The following SMCO1 variants were observed in gnomAD, a reference collection of about 807,000 sequenced individuals.
SMCO1 encodes single-pass membrane and coiled-coil domain-containing protein 1.
SMCO1 carries 9 observed loss-of-function variants against 7.5 expected under a neutral mutation model. The ratio of observed to expected loss-of-function variants is 1.20; its 90% confidence interval spans 0.72 to 2.09. SMCO1 has a LOEUF of 2.09. Among genes scored for constraint, SMCO1 ranks in the 30% most tolerant of loss-of-function variants. SMCO1 has a pLI of 0.00. For missense variants in SMCO1, 219 were observed against 253.1 expected (o/e 0.87, Z 0.91); for synonymous variants, 90 against 93.8 (o/e 0.96, Z 0.23).
upstream of SMCO1, among the ~76,000 whole-genome samples, chr3:196,518,683 ACATT>A (rs998504861): frequency 1.3e-5 from 2 of 152,246 alleles, no homozygotes; most frequent in Admixed American, 6.5e-5. Flanking sequence ...CCAAGGTACA[ACATT>A]CAATGGAGCA....
intron 1 of SMCO1, among the ~76,000 whole-genome samples, chr3:196,513,328 C>CAA (rs1164510654): frequency 1.0e-4 from 13 of 125,894 alleles, no homozygotes; most frequent in African/African-American, 3.1e-4. Flanking sequence ...GACCCTGTGT[C>CAA]AAAAAAAAAA....
Position 196,509,504 on chromosome 3 carries a change from C to A in SMCO1, c.200+16G>T, listed in dbSNP as rs750545927. 3.1e-6 allele frequency: 5 copies of A among 1,592,202 alleles called. No individual in the cohort carries two copies. In the South Asian group the frequency reaches 3.4e-5, roughly 11 times the overall value. On this transcript the variant is annotated intron_variant, in intron 2 of 2. Coordinates refer to ENST00000397537, the MANE Select transcript of SMCO1 (RefSeq NM_001077657.3). ...CAAAGCCACAGAATCCCACTGATTTCTCAATTGATACTCACTGGAGTGCCC... is the reference window on the plus strand; with the variant it reads ...CAAAGCCACAGAATCCCACTGATTTATCAATTGATACTCACTGGAGTGCCC...
chr3:196,513,886 C>T (rs890324605), intron 1 of SMCO1, among the ~76,000 whole-genome samples: 5 of 152,134 alleles, frequency 3.3e-5, no homozygotes, highest in Non-Finnish European at 7.3e-5. Flanking sequence ...TAGTACAGTT[C>T]CCTAGTTTCG....
intron 1 of SMCO1, among the ~76,000 whole-genome samples, chr3:196,511,166 G>C (rs1475974624): frequency 2.2e-5 from 3 of 137,972 alleles, no homozygotes; most frequent in South Asian, 2.1e-4. Context: ...CACCTAGATT[G>C]TCCTTATGAG....
upstream of SMCO1, among the ~76,000 whole-genome samples, chr3:196,516,879 A>G (rs34498352): frequency 6.6e-6 from 1 of 152,044 alleles, no homozygotes; most frequent in East Asian, 1.9e-4. Flanking sequence ...TGGGTAGATC[A>G]CTTGAGGTCA....
upstream of SMCO1, among the ~76,000 whole-genome samples, chr3:196,518,436 T>A (rs150209297): frequency 6.6e-6 from 1 of 152,350 alleles, no homozygotes; most frequent in African/African-American, 2.4e-5. Flanking sequence ...CAAAGGACCC[T>A]GGATGTTTCC....
chr3:196,514,735 C>T (rs1311226668), intron 1 of SMCO1, among the ~76,000 whole-genome samples: 1 of 152,204 alleles, frequency 6.6e-6, no homozygotes, highest in Non-Finnish European at 1.5e-5. Flanking sequence ...ACTTAAACCA[C>T]TGTAATAGAG....
intron 1 of SMCO1, among the ~76,000 whole-genome samples, chr3:196,510,946 G>A (rs1437954004): frequency 6.6e-6 from 1 of 152,240 alleles, no homozygotes; most frequent in Non-Finnish European, 1.5e-5. Flanking sequence ...GGGGATTTGA[G>A]TAGCTCCGAA....
chr3:196,517,385 C>T (rs762335354), upstream of SMCO1, among the ~76,000 whole-genome samples: 1 of 151,998 alleles, frequency 6.6e-6, no homozygotes, highest in Non-Finnish European at 1.5e-5. Flanking sequence ...GAACTTTCAG[C>T]CCCCACCCAC....
Position 196,513,146 on chromosome 3 carries a change from T to G in SMCO1, c.50+2014A>C, listed in dbSNP as rs372062827. On this transcript the variant is annotated intron_variant, in intron 1 of 2. Transcript: ENST00000397537. ...GAGTTTGAGACCAGCTTGGGCAACA[T>G]AGTGAGACCTCATCTCTACAAAAAA... 3.8e-4 allele frequency among the ~76,000 whole-genome samples: 57 copies of G among 150,694 alleles called. No individual in the cohort carries two copies. In the East Asian group the frequency reaches 6.0e-3, roughly 16 times the overall value.
At chr3:196,519,655 G>A (rs1343485415), upstream of SMCO1, among the ~76,000 whole-genome samples, 1 of 152,108 alleles carries the variant, frequency 6.6e-6, no homozygotes, top group East Asian at 1.9e-4. Flanking sequence ...GCCCTAGTGC[G>A]GGCCATAATA....
chr3:196,508,269 T>C lies in SMCO1; in HGVS notation c.263A>G (p.His88Arg), dbSNP rs912561659. The C allele has an allele frequency of 2.5e-6, 4 of 1,614,038 alleles. No individual in the cohort carries two copies. In the Admixed American group the frequency reaches 5.0e-5, roughly 20 times the overall value. ...SYVIEVLICLHTRVLEKLPDL... is the reference protein window; with the variant it reads ...SYVIEVLICLRTRVLEKLPDL... ...TGGCAGCTTCTCAAGCACACGAGTA[T>C]GCAAGCAGATAAGTACTTCAATGAC... is the stretch of plus-strand genomic sequence containing the variant. Residue 88 changes from histidine to arginine, a missense_variant, in exon 3 of 3, where the codon CAT (histidine) becomes CGT (arginine). Transcript: ENST00000397537.
intron 1 of SMCO1, 143 bp from the exon 2 acceptor site, chr3:196,509,812 A>T (rs1184096831): frequency 6.5e-6 from 4 of 610,916 alleles, no homozygotes; most frequent in Non-Finnish European, 1.1e-5. Context: ...TTAAACTATG[A>T]AGGGAAAATG....
chr3:196,520,655 CT>C, the SMCO1 span, among the ~76,000 whole-genome samples: 1 of 152,234 alleles, frequency 6.6e-6, no homozygotes, highest in African/African-American at 2.4e-5. Context: ...TATATAGAAA[CT>C]TTCCAAAATT....
chr3:196,511,952 AGGGAAACTTGCC>A (rs1733249743), intron 1 of SMCO1, among the ~76,000 whole-genome samples: 1 of 63,262 alleles, frequency 1.6e-5, no homozygotes, highest in Non-Finnish European at 3.7e-5. Context: ...TGTCCTTATG[AGGGAAACTTGCC>A]TGAGCCACCT....
intron 1 of SMCO1, 146 bp downstream of exon 1, chr3:196,515,014 A>C (rs1733348996): frequency 1.1e-6 from 1 of 942,338 alleles, no homozygotes; most frequent in Admixed American, 1.8e-5. Context: ...TGCTGGGATT[A>C]CAGGTGTGAG....
chr3:196,514,524 TG>T (rs1560285318), intron 1 of SMCO1, among the ~76,000 whole-genome samples: 1 of 152,232 alleles, frequency 6.6e-6, no homozygotes, highest in Admixed American at 6.5e-5. Flanking sequence ...ACATCACCAT[TG>T]TAAGGTCAGT....
In SMCO1 at chr3:196,509,696, G is replaced by T. The variant is rs1733168287; in HGVS notation, c.51-27C>A. 2.5e-6 allele frequency: 4 copies of T among 1,592,896 alleles called. No homozygotes were observed. The East Asian group carries it at 9.0e-5, about 36-fold the overall frequency. ...TGTAGGATAACAGAATCAAGGGTTA[G>T]TTTAGGTTACAGGACAAAACTAAGG... On this transcript the variant is annotated intron_variant, in intron 1 of 2. Coordinates refer to ENST00000397537, the MANE Select transcript of SMCO1 (RefSeq NM_001077657.3).
At chr3:196,509,701 G>T in intron 1 of SMCO1, 32 bp from the exon 2 acceptor site, 1 of 1,585,568 alleles carries the variant, frequency 6.3e-7, no homozygotes, top group Non-Finnish European at 8.6e-7. Flanking sequence ...GGTTAGTTTA[G>T]GTTACAGGAC....
Sources: allele counts gnomAD v4.1 joint callset (sites outside exome capture counted in the v4.1 genomes callset), GRCh38; gene constraint gnomAD v4.1.1; transcripts MANE v1.5; gene names NCBI Gene and HGNC (gene_info 2026-07-23, HGNC 2026-07-21).